GRIK4: variants seen among roughly 807,000 people sequenced by gnomAD.
GRIK4 encodes glutamate receptor ionotropic, kainate 4.
GRIK4 carries 40 observed loss-of-function variants against 104.9 expected under a neutral mutation model. That is an observed-to-expected ratio of 0.38 (90% CI 0.30 to 0.50). The LOEUF (loss-of-function observed/expected upper bound fraction) is 0.50. GRIK4 is among the 20% of genes least tolerant of loss of function. The probability of loss-of-function intolerance (pLI) is 0.93; values close to 1 mark genes in which losing one functional copy is unlikely to be tolerated. For synonymous variants in GRIK4, 485 were observed against 524.9 expected (o/e 0.92, Z 1.04); for missense variants, 1,047 against 1,308.1 (o/e 0.80, Z 3.08).
At chr11:120,791,684 A>C (rs1436513226) in intron 3 of GRIK4, among the ~76,000 whole-genome samples, 2 of 152,302 alleles carry the variant, frequency 1.3e-5, no homozygotes, top group East Asian at 3.9e-4. Context: ...TGCCTAACTC[A>C]AAGATTTTCT....
intron 9 of GRIK4, chr11:120,870,396 G>A (rs1053777260): frequency 3.9e-5 from 6 of 152,404 alleles, no homozygotes; most frequent in Admixed American, 3.3e-4. Context: ...CTGGGTGATG[G>A]CCCCAACATA....
At chr11:120,830,382 C>T (rs1362217556) in intron 6 of GRIK4, among the ~76,000 whole-genome samples, 1 of 152,132 alleles carries the variant, frequency 6.6e-6, no homozygotes, top group African/African-American at 2.4e-5. Flanking sequence ...CTGGTCCCAG[C>T]TGTGTCCCCG....
At chr11:120,971,003 C>T (rs1211528050) in intron 19 of GRIK4, among the ~76,000 whole-genome samples, 1 of 152,304 alleles carries the variant, frequency 6.6e-6, no homozygotes, top group Admixed American at 6.5e-5. Flanking sequence ...AGCATGGCCA[C>T]CTCCCAGGGC....
chr11:120,819,085 GAC>G lies in GRIK4; in HGVS notation c.346-667_346-666del, dbSNP rs1953036246. Among the ~76,000 whole-genome samples, 1 of 152,244 alleles carries G rather than the reference GAC, an allele frequency of 6.6e-6. No homozygotes were observed. Among genetic ancestry groups the G allele is most frequent in the Non-Finnish European group, 1.5e-5 (1 of 68,050 alleles). ...TCAGTAATAGATGCAGAGGGAAGCT[GAC>G]ACTGTCCTAATGAAGCCAAACCACG... On this transcript the variant is annotated intron_variant, in intron 5 of 20. Coordinates refer to ENST00000527524, the MANE Select transcript of GRIK4 (RefSeq NM_014619.5). This position sits in a 1 kb window ranked among gnomAD's most constrained non-coding sequence, Gnocchi z 4.3.
At position 120,670,103 on chromosome 11, in the gene GRIK4, A is replaced by G. The variant is rs184047364; in HGVS notation, c.82+9703A>G. On this transcript the variant is annotated intron_variant, in intron 3 of 20. Transcript: ENST00000527524. ...GGTCTCATCTTTCTCTGATACCCAC[A>G]TCCTCTCTATCAACAGTCCTGTTGG... Among the ~76,000 whole-genome samples, 7 of 152,270 alleles carry G rather than the reference A, an allele frequency of 4.6e-5. No individual in the cohort carries two copies. In the East Asian group the frequency reaches 1.4e-3, roughly 29 times the overall value.
chr11:120,843,251 A>G (rs1182362882), intron 8 of GRIK4, among the ~76,000 whole-genome samples: 1 of 152,240 alleles, frequency 6.6e-6, no homozygotes, highest in Non-Finnish European at 1.5e-5. Flanking sequence ...GCAGGGCCAG[A>G]GCTCCCTGCT....
Position 120,513,318 on chromosome 11 carries a change from G to C in GRIK4, c.-159+1431G>C, listed in dbSNP as rs527704985. Among the ~76,000 whole-genome samples the C allele has an allele frequency of 1.3e-5, 2 of 152,264 alleles. No individual in the cohort carries two copies. Among genetic ancestry groups the C allele is most frequent in the African/African-American group, 4.8e-5 (2 of 41,562 alleles). On this transcript the variant is annotated intron_variant, in intron 1 of 20. Transcript: ENST00000527524. The surrounding 1 kb of genome is among the most constrained non-coding windows in gnomAD (Gnocchi z 4.5). Reference sequence around the variant, plus strand: ...GGGAAACTGCGGGCGTGGTATCTCCGGGGAGAGAGGCCGCCTGGGTTGGTA... The same window carrying C: ...GGGAAACTGCGGGCGTGGTATCTCCCGGGAGAGAGGCCGCCTGGGTTGGTA...
At chr11:120,863,785 A>T (rs1954322223) in intron 9 of GRIK4, among the ~76,000 whole-genome samples, 1 of 152,216 alleles carries the variant, frequency 6.6e-6, no homozygotes, top group African/African-American at 2.4e-5. Flanking sequence ...TGGCCTGCGG[A>T]AGCCAGGGCC....
intron 3 of GRIK4, among the ~76,000 whole-genome samples, chr11:120,671,537 T>C (rs1950016912): frequency 6.6e-6 from 1 of 152,266 alleles, no homozygotes; most frequent in Non-Finnish European, 1.5e-5. Context: ...TTTTGCAATA[T>C]GTCTGTTCAT....
intron 1 of GRIK4, among the ~76,000 whole-genome samples, chr11:120,560,527 TGTGTATATG>T (rs1948228707): frequency 1.3e-5 from 2 of 152,210 alleles, no homozygotes; most frequent in Non-Finnish European, 2.9e-5. Flanking sequence ...TATGTATATG[TGTGTATATG>T]GTATAGCTAG....
chr11:120,933,384 T>C (rs1943521579), intron 13 of GRIK4, among the ~76,000 whole-genome samples: 1 of 152,226 alleles, frequency 6.6e-6, no homozygotes, highest in Non-Finnish European at 1.5e-5. Flanking sequence ...AAAGACTTAC[T>C]GGCTACTTAC....
intron 3 of GRIK4, among the ~76,000 whole-genome samples, chr11:120,795,217 G>A (rs1952486820): frequency 1.3e-5 from 2 of 152,204 alleles, no homozygotes; most frequent in Non-Finnish European, 2.9e-5. Context: ...GAAATCTTCA[G>A]CAGCGAGGCT....
At chr11:120,594,437 G>A (rs923746954) in intron 1 of GRIK4, among the ~76,000 whole-genome samples, 2 of 152,172 alleles carry the variant, frequency 1.3e-5, no homozygotes, top group Non-Finnish European at 1.5e-5. Flanking sequence ...TGTTTGCACC[G>A]TTGCACTTCA....
At chr11:120,649,142 G>A (rs916269849) in intron 1 of GRIK4, among the ~76,000 whole-genome samples, 4 of 152,216 alleles carry the variant, frequency 2.6e-5, no homozygotes, top group South Asian at 2.1e-4. Context: ...ATAGGTCTCC[G>A]AACCTTCAGC....
chr11:120,597,243 C>T (rs1327622920), intron 1 of GRIK4, among the ~76,000 whole-genome samples: 1 of 152,236 alleles, frequency 6.6e-6, no homozygotes, highest in Non-Finnish European at 1.5e-5. Flanking sequence ...ACCTGGGTTC[C>T]AATCTGGTTC....
intron 13 of GRIK4, among the ~76,000 whole-genome samples, chr11:120,925,011 T>A (rs1346219643): frequency 6.6e-6 from 1 of 152,186 alleles, no homozygotes; most frequent in Non-Finnish European, 1.5e-5. Context: ...ATTGGTCACA[T>A]CACTGCTCAC....
chr11:120,885,777 C>T (rs1207746644), intron 11 of GRIK4, among the ~76,000 whole-genome samples: 4 of 152,200 alleles, frequency 2.6e-5, no homozygotes, highest in African/African-American at 9.6e-5. Flanking sequence ...AATTTAACTT[C>T]AGAAACCATG....
intron 3 of GRIK4, among the ~76,000 whole-genome samples, chr11:120,665,480 C>A (rs1469748838): frequency 6.6e-6 from 1 of 152,138 alleles, no homozygotes; most frequent in Admixed American, 6.5e-5. Context: ...CTGGTAAGCA[C>A]CTTAGGGAGG....
At chr11:120,980,334 T>C (rs1187276431) in intron 19 of GRIK4, among the ~76,000 whole-genome samples, 6 of 152,202 alleles carry the variant, frequency 3.9e-5, no homozygotes, top group African/African-American at 1.4e-4. Flanking sequence ...AATTCATCCG[T>C]GTTGCACAGA....
Sources: gnomAD v4.1 joint callset for allele counts (sites outside exome capture counted in the v4.1 genomes callset) on GRCh38, gnomAD v4.1.1 for gene constraint, Gnocchi (gnomAD v3.1) non-coding constraint, MANE v1.5 for transcripts, NCBI Gene and HGNC (gene_info 2026-07-23, HGNC 2026-07-21) for gene names.